The following CTNNA3 variants were observed in gnomAD, a reference collection of about 807,000 sequenced individuals.
CTNNA3 encodes catenin alpha 3.
In CTNNA3, 76 loss-of-function variants were observed where a neutral mutation model predicts 95.7. The observed-to-expected ratio is 0.79, with a 90% confidence interval of 0.66 to 0.96. The LOEUF is 0.96. Ranked by LOEUF, CTNNA3 falls within the 40% of genes least tolerant of loss-of-function variation. The pLI is 0.00. For missense variants in CTNNA3, 1,191 were observed against 1,089.8 expected (o/e 1.09, Z -1.31); for synonymous variants, 431 against 374.4 (o/e 1.15, Z -1.74).
At position 65,917,833 on chromosome 10, in the gene CTNNA3, C is replaced by T. The variant is rs554142150; in HGVS notation, c.*2497G>A. The T allele has an allele frequency of 6.6e-6, 1 of 152,064 alleles. No homozygotes were observed. The highest frequency in any genetic ancestry group is 1.5e-5 in the Non-Finnish European group (1 of 68,018). The allele number at this position is 152,064 out of a possible 1,614,324, so 9.4% of individuals were successfully genotyped here. ...ACATAATGGGGAGATTTATTCATAT[C>T]TTGCTGCTAGTTTTTCTTGCATATA... On this transcript the variant is annotated 3_prime_UTR_variant, in exon 18 of 18. Coordinates refer to ENST00000433211, the MANE Select transcript of CTNNA3 (RefSeq NM_013266.4).
chr10:67,542,401 T>C (rs1054745021), intron 3 of CTNNA3, among the ~76,000 whole-genome samples: 2 of 152,122 alleles, frequency 1.3e-5, no homozygotes, highest in Non-Finnish European at 2.9e-5. Flanking sequence ...AAGAGCTGCA[T>C]TGGCCCTGGT....
chr10:67,386,268 T>C (rs1367185411), intron 5 of CTNNA3, among the ~76,000 whole-genome samples: 21 of 152,232 alleles, frequency 1.4e-4, no homozygotes, highest in East Asian at 1.9e-4. Context: ...TTACTTTTTA[T>C]AATTACACAT....
intron 2 of CTNNA3, among the ~76,000 whole-genome samples, chr10:67,643,313 C>G (rs921036111): frequency 6.6e-6 from 1 of 151,734 alleles, no homozygotes; most frequent in African/African-American, 2.4e-5. Context: ...TGGGGTCTGT[C>G]AGCAGGGGTG....
chr10:65,984,713 T>A (rs1278552488), intron 16 of CTNNA3, among the ~76,000 whole-genome samples: 1 of 151,352 alleles, frequency 6.6e-6, no homozygotes, highest in African/African-American at 2.4e-5. Context: ...TGTGACACAA[T>A]TATGTCAACT....
At chr10:67,194,683 C>T (rs1863267591) in intron 6 of CTNNA3, among the ~76,000 whole-genome samples, 1 of 151,764 alleles carries the variant, frequency 6.6e-6, no homozygotes, top group African/African-American at 2.4e-5. Context: ...ACGTACAACA[C>T]CAAGAGTGAA....
chr10:67,478,056 AT>A (rs552458702), intron 5 of CTNNA3, among the ~76,000 whole-genome samples: 116 of 152,326 alleles, frequency 7.6e-4, no homozygotes, highest in South Asian at 2.5e-3. Context: ...AGCTTTATCA[AT>A]TGCCAAGATC....
At chr10:67,304,341 G>A (rs1420228149) in intron 5 of CTNNA3, among the ~76,000 whole-genome samples, 1 of 152,116 alleles carries the variant, frequency 6.6e-6, no homozygotes, top group African/African-American at 2.4e-5. Context: ...AAGAAGCCTT[G>A]TTTATAATTA....
At chr10:66,663,434 G>T (rs911206173) in intron 9 of CTNNA3, among the ~76,000 whole-genome samples, 6 of 145,428 alleles carry the variant, frequency 4.1e-5, no homozygotes, top group African/African-American at 1.5e-4. Flanking sequence ...TTACTTCTAT[G>T]CAAAAATGTC....
At chr10:67,275,867 CT>C (rs1839166398) in intron 5 of CTNNA3, among the ~76,000 whole-genome samples, 1 of 152,114 alleles carries the variant, frequency 6.6e-6, no homozygotes, top group African/African-American at 2.4e-5. Context: ...TTATTATCTT[CT>C]GATTTTTTCC....
In CTNNA3 at chr10:66,408,142, C is replaced by T. The variant is rs140600984; in HGVS notation, c.1532-28790G>A. Among the ~76,000 whole-genome samples the T allele has an allele frequency of 1.2e-3, 184 of 152,186 alleles. 2 individuals carry two copies. Among genetic ancestry groups the T allele is most frequent in the African/African-American group, 4.0e-3 (166 of 41,510 alleles). On this transcript the variant is annotated intron_variant, in intron 11 of 17. Coordinates refer to ENST00000433211, the MANE Select transcript of CTNNA3 (RefSeq NM_013266.4). ...ACACATAGCTTCATCTGCACAGATT[C>T]GACATAGTACTCAATGTACAGTCAA...
At chr10:66,315,732 G>A (rs573776367) in intron 12 of CTNNA3, among the ~76,000 whole-genome samples, 13 of 152,090 alleles carry the variant, frequency 8.5e-5, no homozygotes, top group Middle Eastern at 6.8e-3. Context: ...TCTGACCTAA[G>A]GAGAAATTAT....
In CTNNA3 at chr10:66,621,724, C is replaced by T; in HGVS notation, c.1342G>A (p.Ala448Thr). The change falls in exon 10 of 18, where the codon GCA (alanine) becomes ACA (threonine). Residue 448 changes from alanine to threonine, a missense_variant. Physicochemically the swap from Ala to Thr is moderately conservative, Grantham distance 58 (BLOSUM62 0). Coordinates refer to ENST00000433211, the MANE Select transcript of CTNNA3 (RefSeq NM_013266.4). Reference sequence around the variant, plus strand: ...CACAAGGTTTCCAAATGATTGGCTGCAATTTTGACAATTTTAATTCCATCT... The same window carrying T: ...CACAAGGTTTCCAAATGATTGGCTGTAATTTTGACAATTTTAATTCCATCT... ...NEDGIKIVKI[A>T]ANHLETLCPQ... 1 of 1,611,716 alleles carries T rather than the reference C, an allele frequency of 6.2e-7. No individual in the cohort carries two copies. Among genetic ancestry groups the T allele is most frequent in the Non-Finnish European group, 8.5e-7 (1 of 1,178,886 alleles).
chr10:67,467,696 A>C (rs1220158512), intron 5 of CTNNA3, among the ~76,000 whole-genome samples: 2 of 151,250 alleles, frequency 1.3e-5, no homozygotes, highest in Non-Finnish European at 2.9e-5. Flanking sequence ...AAGTTTCTTT[A>C]TTTTATTTTA....
intron 7 of CTNNA3, among the ~76,000 whole-genome samples, chr10:67,120,088 T>C (rs1859385061): frequency 6.6e-6 from 1 of 151,940 alleles, no homozygotes; most frequent in African/African-American, 2.4e-5. Flanking sequence ...GGATGCAGAA[T>C]TTTGTGCTGA....
chr10:66,910,488 A>T (rs553623048), intron 7 of CTNNA3, among the ~76,000 whole-genome samples: 1 of 152,380 alleles, frequency 6.6e-6, no homozygotes, highest in South Asian at 2.1e-4. Context: ...TAAGCCAGAT[A>T]GCAACCTATA....
intron 7 of CTNNA3, among the ~76,000 whole-genome samples, chr10:67,044,462 T>C (rs1018426913): frequency 1.1e-4 from 16 of 152,128 alleles, no homozygotes; most frequent in Admixed American, 3.9e-4. Flanking sequence ...TCAAAATGGA[T>C]TGTCTAAAAT....
At chr10:66,470,735 G>C (rs933080007) in intron 11 of CTNNA3, among the ~76,000 whole-genome samples, 3 of 151,748 alleles carry the variant, frequency 2.0e-5, no homozygotes, top group Non-Finnish European at 4.4e-5. Flanking sequence ...ATGAAGGAGA[G>C]AAAGCAAGAA....
In CTNNA3 at chr10:67,736,057, A is replaced by G. The variant is rs182376858; in HGVS notation, c.-2+27377T>C. Reference sequence around the variant, plus strand: ...AAAGCAATCCAAGTGTCCATTATCAAATAAATGGATAAACAAAATGTGGTA... The same window carrying G: ...AAAGCAATCCAAGTGTCCATTATCAGATAAATGGATAAACAAAATGTGGTA... On this transcript the variant is annotated intron_variant, in intron 1 of 17. Transcript: ENST00000684154. 3.7e-3 allele frequency among the ~76,000 whole-genome samples: 566 copies of G among 152,350 alleles called. 6 individuals are homozygous for G. The highest frequency in any genetic ancestry group is 0.013 in the African/African-American group (537 of 41,584).
At chr10:66,063,168 C>T (rs12355582) in intron 15 of CTNNA3, among the ~76,000 whole-genome samples, 30,747 of 149,040 alleles carry the variant, frequency 0.21, 3,318 homozygotes, top group Admixed American at 0.25. Context: ...CAGTTCTGCT[C>T]CTTTCCAGCC....
Sources: gnomAD v4.1 joint callset for allele counts (sites outside exome capture counted in the v4.1 genomes callset) on GRCh38, gnomAD v4.1.1 for gene constraint, MANE v1.5 for transcripts, NCBI Gene and HGNC (gene_info 2026-07-23, HGNC 2026-07-21) for gene names.